Variants in CLBA1 observed in about 807,000 individuals in gnomAD.
The protein encoded by CLBA1 is uncharacterized protein CLBA1.
CLBA1 carries 30 observed loss-of-function variants against 28.8 expected under a neutral mutation model. The observed-to-expected ratio is 1.04, with a 90% confidence interval of 0.78 to 1.41. The LOEUF (loss-of-function observed/expected upper bound fraction) is 1.41, where lower values mean the gene tolerates loss of function less well. CLBA1 is among the 40% of genes most tolerant of loss of function. The pLI is 0.00. For missense variants in CLBA1, 451 were observed against 412.3 expected (o/e 1.09, Z -0.81); for synonymous variants, 160 against 152.8 (o/e 1.05, Z -0.35).
chr14:104,989,939 G>T, intron 2 of CLBA1: 1 of 329,648 alleles, frequency 3.0e-6, no homozygotes, highest in Admixed American at 3.8e-5. Context: ...GGTCCAACCA[G>T]CACCTGCCCC....
downstream of CLBA1, chr14:104,999,312 T>C (rs1274573699): frequency 2.2e-6 from 2 of 893,852 alleles, no homozygotes; most frequent in East Asian, 1.2e-4. Context: ...TCCAAGCAGA[T>C]AACTGAGCCG....
At chr14:104,993,615 T>G (rs1225029096) in intron 4 of CLBA1, 3 of 985,274 alleles carry the variant, frequency 3.0e-6, no homozygotes, top group African/African-American at 3.5e-5. Flanking sequence ...AGAAGGGGAC[T>G]TCTTCTTGCA....
Position 104,986,183 on chromosome 14 carries a change from C to A in CLBA1, c.-249C>A. On this transcript the variant is annotated 5_prime_UTR_variant, in exon 1 of 5. Coordinates refer to ENST00000547315, the MANE Select transcript of CLBA1 (RefSeq NM_174891.4). ...GTACGCGCCTCTGTGTCGGACTCCG[C>A]GCCCGCCTGCGTGGGAGGAAGCCAG... The A allele has an allele frequency of 1.8e-6, 1 of 561,026 alleles. No individual in the cohort carries two copies. The highest frequency in any genetic ancestry group is 3.0e-5 in the East Asian group (1 of 33,164). 34.8% of individuals were successfully genotyped at this position (561,026 alleles called of 1,614,324 possible). A position where few individuals can be genotyped will look rare whatever the true frequency, so the allele number is the denominator to read the frequency against.
chr14:104,996,746 GGC>G (rs1358839696), downstream of CLBA1, among the ~76,000 whole-genome samples: 2 of 152,240 alleles, frequency 1.3e-5, no homozygotes, highest in African/African-American at 4.8e-5. Context: ...GCGACACACA[GGC>G]TGATGTCCAG....
intron 3 of CLBA1, 62 bp from the exon 4 acceptor site, chr14:104,992,886 A>G: frequency 1.5e-6 from 2 of 1,334,240 alleles, no homozygotes; most frequent in Non-Finnish European, 2.2e-6. Flanking sequence ...GGCTCAGGGG[A>G]AAAGGAAACA....
intron 1 of CLBA1, among the ~76,000 whole-genome samples, chr14:104,988,256 C>T (rs1250788008): frequency 3.3e-5 from 5 of 152,132 alleles, no homozygotes; most frequent in Non-Finnish European, 7.4e-5. Flanking sequence ...CCTCCTCCTA[C>T]CCCTTCACAC....
intron 2 of CLBA1, chr14:104,989,643 C>G (rs1239503076): frequency 2.2e-6 from 1 of 456,180 alleles, no homozygotes. Context: ...GACACACTTT[C>G]AACTGAGCAT....
rs1249093589 is a variant in CLBA1, at chr14:104,995,059, G to A, written c.*300G>A. 4 of 1,054,828 alleles carry A rather than the reference G, an allele frequency of 3.8e-6. No individual in the cohort carries two copies. The highest frequency in any genetic ancestry group is 5.3e-5 in the Admixed American group (1 of 18,884). 65.3% of individuals were successfully genotyped at this position (1,054,828 alleles called of 1,614,324 possible). ...GTGAATGCTGCTGGCACCTGGTGGG[G>A]GGTTGCCCAGGGATGGACCCTGGGC... On this transcript the variant is annotated 3_prime_UTR_variant, in exon 5 of 5. Coordinates refer to ENST00000547315, the MANE Select transcript of CLBA1 (RefSeq NM_174891.4).
chr14:104,986,886 A>G (rs757162070), intron 1 of CLBA1, 32 bp downstream of exon 1: 2 of 1,604,854 alleles, frequency 1.2e-6, no homozygotes, highest in African/African-American at 2.7e-5. Flanking sequence ...CACCATGTTG[A>G]GTGGGACGTG....
At chr14:104,992,049 ACCACGCACACGCCGCCACGCACACCCCG>A (rs1480072496) in intron 3 of CLBA1, among the ~76,000 whole-genome samples, 10 of 132,394 alleles carry the variant, frequency 7.6e-5, no homozygotes, top group African/African-American at 2.6e-4. Flanking sequence ...CGCACACGCC[ACCACGCACACGCCGCCACGCACACCCCG>A]CCACGCACAT....
downstream of CLBA1, among the ~76,000 whole-genome samples, chr14:105,000,336 A>ATGTT (rs1047436501): frequency 5.9e-5 from 9 of 151,266 alleles, no homozygotes; most frequent in African/African-American, 2.2e-4. Flanking sequence ...CAATGGTGCA[A>ATGTT]TGTTAGCTCA....
intron 2 of CLBA1, chr14:104,989,590 G>A (rs750464358): frequency 2.2e-6 from 1 of 456,022 alleles, no homozygotes. Context: ...GGCTCCTAGG[G>A]GAAAGTGCAC....
rs1900131895 is a variant in CLBA1, at chr14:104,995,005, A to G, written c.*246A>G. 1 of 1,164,242 alleles carries G rather than the reference A, an allele frequency of 8.6e-7. No individual in the cohort carries two copies. 72.1% of individuals were successfully genotyped at this position (1,164,242 alleles called of 1,614,324 possible). ...ATGCCATGACAGGCTGTCGGGGTCC[A>G]GGTGGCACTCATGGGCCCCCTGCCC... is the stretch of plus-strand genomic sequence containing the variant. On this transcript the variant is annotated 3_prime_UTR_variant, in exon 5 of 5. Transcript: ENST00000547315.
chr14:104,998,702 C>T (rs1900210712), downstream of CLBA1, among the ~76,000 whole-genome samples: 1 of 152,268 alleles, frequency 6.6e-6, no homozygotes, highest in African/African-American at 2.4e-5. Context: ...CCCTCCCAGG[C>T]TGAGACGCAG....
downstream of CLBA1, among the ~76,000 whole-genome samples, chr14:104,997,192 A>C (rs901208657): frequency 7.9e-5 from 12 of 152,224 alleles, no homozygotes; most frequent in Non-Finnish European, 1.3e-4. Flanking sequence ...CTTCAGTAAA[A>C]GACAGAATGA....
Position 104,993,408 on chromosome 14 carries a change from G to C in CLBA1, c.816+344G>C. 3.0e-6 allele frequency: 3 copies of C among 985,450 alleles called. No homozygotes were observed. In the African/African-American group the frequency reaches 5.2e-5, roughly 17 times the overall value. 61.0% of individuals were successfully genotyped at this position (985,450 alleles called of 1,614,324 possible). A position where few individuals can be genotyped will look rare whatever the true frequency, so the allele number is the denominator to read the frequency against. On this transcript the variant is annotated intron_variant, in intron 4 of 4. Transcript: ENST00000547315. ...TGGAAGGATGAGGCAGGACCAGGCT[G>C]TGACTGTTGGGCCAGGGGATGTTGA...
At chr14:104,998,028 GA>G (rs1900185566), downstream of CLBA1, among the ~76,000 whole-genome samples, 1 of 149,652 alleles carries the variant, frequency 6.7e-6, no homozygotes, top group African/African-American at 2.5e-5. Flanking sequence ...AAGAAAGAAA[GA>G]AAAGAAAAAA....
intron 2 of CLBA1, chr14:104,989,330 C>G: frequency 2.1e-6 from 1 of 486,416 alleles, no homozygotes; most frequent in South Asian, 2.1e-5. Flanking sequence ...GCAGCTGGAC[C>G]CAAGCCCAGC....
chr14:104,996,968 T>G (rs1900167470), downstream of CLBA1, among the ~76,000 whole-genome samples: 1 of 152,260 alleles, frequency 6.6e-6, no homozygotes, highest in Admixed American at 6.5e-5. Context: ...TCGATTGTTC[T>G]TTTATATGAA....
Sources: allele counts gnomAD v4.1 joint callset (sites outside exome capture counted in the v4.1 genomes callset), GRCh38; gene constraint gnomAD v4.1.1; transcripts MANE v1.5; gene names NCBI Gene and HGNC (gene_info 2026-07-23, HGNC 2026-07-21).